UBE2L3: variants seen among roughly 807,000 people sequenced by gnomAD.
The protein encoded by UBE2L3 is ubiquitin-conjugating enzyme E2 L3.
In UBE2L3, 1 loss-of-function variant was observed where a neutral mutation model predicts 17.8. The ratio of observed to expected loss-of-function variants is 0.06; its 90% CI spans 0.02 to 0.27. The LOEUF is 0.27. Ranked by LOEUF, UBE2L3 falls within the 10% of genes least tolerant of loss-of-function variation. The pLI is 1.00. For missense variants in UBE2L3, 40 were observed against 192.6 expected (o/e 0.21, Z 4.69); for synonymous variants, 44 against 68.5 (o/e 0.64, Z 1.76).
At chr22:21,610,780 A>G in intron 2 of UBE2L3, 77 bp from the exon 3 acceptor site, 1 of 1,389,484 alleles carries the variant, frequency 7.2e-7, no homozygotes, top group Non-Finnish European at 9.5e-7. Context: ...TTTTCAGATA[A>G]ACAATTAAAA....
intron 1 of UBE2L3, among the ~76,000 whole-genome samples, chr22:21,583,037 G>A (rs1344255218): frequency 2.6e-5 from 4 of 152,122 alleles, no homozygotes; most frequent in Non-Finnish European, 5.9e-5. Context: ...CAGCCCCCAG[G>A]GGCTTGGCCA....
intron 1 of UBE2L3, among the ~76,000 whole-genome samples, chr22:21,577,876 A>G (rs1009927551): frequency 6.6e-6 from 1 of 152,202 alleles, no homozygotes; most frequent in African/African-American, 2.4e-5. Context: ...CACATCTGCA[A>G]CCAAAGCAGG....
At chr22:21,573,665 G>A (rs1186326153) in intron 1 of UBE2L3, among the ~76,000 whole-genome samples, 1 of 152,210 alleles carries the variant, frequency 6.6e-6, no homozygotes, top group Admixed American at 6.5e-5. Flanking sequence ...GGTGGCCAGT[G>A]AGGTTGAGTC....
upstream of UBE2L3, among the ~76,000 whole-genome samples, chr22:21,563,125 C>G (rs997782738): frequency 6.6e-6 from 1 of 151,372 alleles, no homozygotes; most frequent in African/African-American, 2.4e-5. Context: ...ACATGTAATC[C>G]CAGCTACTCG....
rs373637960 is a variant in UBE2L3 at position 21,560,608 on chromosome 22, G to A, written c.201+10958G>A. On this transcript the variant is annotated intron_variant, in intron 1 of 3. Coordinates refer to the UBE2L3 transcript ENST00000458578. ...TGGGATTACAGGCGCATGCCACCAC[G>A]CCTGGCTAGTTTTTGTATTTTTAGC... is the stretch of plus-strand genomic sequence containing the variant. Among the ~76,000 whole-genome samples, 11 of 150,620 alleles carry A rather than the reference G, an allele frequency of 7.3e-5. No individual in the cohort carries two copies. The East Asian group carries it at 1.6e-3, about 21-fold the overall frequency.
Position 21,577,005 on chromosome 22 carries a change from G to GT in UBE2L3, c.27+9236dup, listed in dbSNP as rs1927346129. Among the ~76,000 whole-genome samples, 6 of 148,860 alleles carry GT rather than the reference G, an allele frequency of 4.0e-5. No homozygotes were observed. In the South Asian group the frequency reaches 1.3e-3, roughly 32 times the overall value. ...TTTTTTTGAGATGGAGTCTCGCTGT[G>GT]TTGCCCAGGCTGGAGTGCAGTGGTA... On this transcript the variant is annotated intron_variant, in intron 1 of 3. Transcript: ENST00000342192.
At chr22:21,604,189 C>T (rs1929026239) in intron 2 of UBE2L3, among the ~76,000 whole-genome samples, 1 of 152,090 alleles carries the variant, frequency 6.6e-6, no homozygotes. Flanking sequence ...AAACACTAGT[C>T]GTGTTCATGT....
In UBE2L3 at chr22:21,601,889, G is replaced by A. The variant is rs539552029; in HGVS notation, c.123+8933G>A. On this transcript the variant is annotated intron_variant, in intron 2 of 3. Coordinates refer to ENST00000342192, the MANE Select transcript of UBE2L3 (RefSeq NM_003347.4). ...CTGGAGGTTGAGGCAGGAGAATGGC[G>A]TGAACCCGGGAGGCGGAGCTTGCAG... is the stretch of plus-strand genomic sequence containing the variant. Among the ~76,000 whole-genome samples, 1,349 of 151,104 alleles carry A rather than the reference G, an allele frequency of 8.9e-3. 7 individuals are homozygous for A. Among genetic ancestry groups the A allele is most frequent in the Non-Finnish European group, 0.014 (926 of 67,744 alleles).
At position 21,607,510 on chromosome 22, in the gene UBE2L3, G is replaced by A. The variant is rs541345594; in HGVS notation, c.124-3347G>A. 4.9e-3 allele frequency among the ~76,000 whole-genome samples: 611 copies of A among 125,252 alleles called. 4 individuals carry two copies. Among genetic ancestry groups the A allele is most frequent in the African/African-American group, 0.017 (583 of 33,624 alleles). 82.2% of individuals were successfully genotyped at this position (125,252 alleles called of 152,430 possible). ...AGCCTGGGCGACAGAGCGAGACTCC[G>A]TCTTAAAAAAAAAAAAAAAAAAAAA... On this transcript the variant is annotated intron_variant, in intron 2 of 3. Coordinates refer to ENST00000342192, the MANE Select transcript of UBE2L3 (RefSeq NM_003347.4).
At chr22:21,601,366 G>T (rs1342800566) in intron 2 of UBE2L3, among the ~76,000 whole-genome samples, 2 of 151,572 alleles carry the variant, frequency 1.3e-5, no homozygotes, top group African/African-American at 4.8e-5. Context: ...AGGCTGGAGT[G>T]CAGTGGTGTG....
At chr22:21,607,124 C>G (rs1418255163) in intron 2 of UBE2L3, among the ~76,000 whole-genome samples, 3 of 152,166 alleles carry the variant, frequency 2.0e-5, no homozygotes, top group African/African-American at 7.2e-5. Context: ...CGCACGCCAG[C>G]CTTGCTCCCC....
chr22:21,588,323 T>C (rs886850992), intron 1 of UBE2L3, among the ~76,000 whole-genome samples: 7 of 152,182 alleles, frequency 4.6e-5, no homozygotes, highest in African/African-American at 1.7e-4. Context: ...AATTCTTCAC[T>C]GTCAGGACCA....
chr22:21,611,987 C>T (rs970221142), intron 3 of UBE2L3, among the ~76,000 whole-genome samples: 1 of 152,106 alleles, frequency 6.6e-6, no homozygotes, highest in Non-Finnish European at 1.5e-5. Context: ...TTACCAGGTG[C>T]ACGCAAAGTA....
At chr22:21,610,718 C>A in intron 2 of UBE2L3, 139 bp from the exon 3 acceptor site, 1 of 955,358 alleles carries the variant, frequency 1.0e-6, no homozygotes. Flanking sequence ...CTGGGTTGTC[C>A]TGAAGGTGGC....
chr22:21,573,852 AT>A (rs1407120701), intron 1 of UBE2L3, among the ~76,000 whole-genome samples: 1 of 152,106 alleles, frequency 6.6e-6, no homozygotes, highest in Non-Finnish European at 1.5e-5. Context: ...CATTGGCTTG[AT>A]TTTACCCCAG....
At chr22:21,567,595 C>G, upstream of UBE2L3, 2 of 1,469,800 alleles carry the variant, frequency 1.4e-6, no homozygotes, top group Non-Finnish European at 1.8e-6. Context: ...CTCCACGCGC[C>G]CCCCAGCACA....
chr22:21,580,127 A>G (rs1927542126), intron 1 of UBE2L3, among the ~76,000 whole-genome samples: 1 of 152,248 alleles, frequency 6.6e-6, no homozygotes, highest in Non-Finnish European at 1.5e-5. Context: ...CAGAGTAAAC[A>G]GGAAAACCTG....
At chr22:21,587,000 C>G (rs1352505344) in intron 1 of UBE2L3, among the ~76,000 whole-genome samples, 2 of 151,470 alleles carry the variant, frequency 1.3e-5, no homozygotes, top group Non-Finnish European at 2.9e-5. Flanking sequence ...ATTCTCATGC[C>G]TCAGCCTCCC....
Position 21,598,285 on chromosome 22 carries a change from C to T in UBE2L3, c.123+5329C>T, listed in dbSNP as rs138141360. ...TACTTTCTTTGTTCCTTAAAATATCCAGTTAGATTATTGATTTCAGACTTG... is the reference window on the plus strand; with the variant it reads ...TACTTTCTTTGTTCCTTAAAATATCTAGTTAGATTATTGATTTCAGACTTG... On this transcript the variant is annotated intron_variant, in intron 2 of 3. Transcript: ENST00000342192. Among the ~76,000 whole-genome samples, 282 of 149,592 alleles carry T rather than the reference C, an allele frequency of 1.9e-3. 1 individual carries two copies. Among genetic ancestry groups the T allele is most frequent in the African/African-American group, 6.6e-3 (272 of 41,184 alleles).
Sources: gnomAD v4.1 joint callset for allele counts (sites outside exome capture counted in the v4.1 genomes callset) on GRCh38, gnomAD v4.1.1 for gene constraint, MANE v1.5 for transcripts, NCBI Gene and HGNC (gene_info 2026-07-23, HGNC 2026-07-21) for gene names.